FRYL: variants seen among roughly 807,000 people sequenced by gnomAD.
The protein encoded by FRYL is FRY like transcription coactivator.
FRYL carries 150 observed loss-of-function variants against 351.2 expected under a neutral mutation model. The ratio of observed to expected loss-of-function variants is 0.43; its 90% CI spans 0.37 to 0.49. The LOEUF is 0.49. FRYL is among the 20% of genes least tolerant of loss of function. FRYL has a pLI of 0.00. For synonymous variants in FRYL, 1,153 were observed against 1,257.1 expected, an observed-to-expected ratio of 0.92 and a Z score of 1.75; for missense variants, 3,036 against 3,619.3, an observed-to-expected ratio of 0.84 and a Z score of 4.13.
intron 3 of FRYL, among the ~76,000 whole-genome samples, chr4:48,649,259 G>A (rs766041240): frequency 2.0e-5 from 3 of 152,060 alleles, no homozygotes; most frequent in Non-Finnish European, 4.4e-5. Flanking sequence ...AAAAATCTGA[G>A]TATTAAAAAC....
At chr4:48,662,893 T>C (rs1203579610) in intron 3 of FRYL, among the ~76,000 whole-genome samples, 2 of 151,738 alleles carry the variant, frequency 1.3e-5, no homozygotes, top group South Asian at 2.1e-4. Flanking sequence ...TCAAATATAA[T>C]AGGAAAGTAA....
chr4:48,615,117 C>T (rs1227905432), intron 7 of FRYL, among the ~76,000 whole-genome samples: 2 of 152,126 alleles, frequency 1.3e-5, no homozygotes, highest in African/African-American at 2.4e-5. Flanking sequence ...TGAGCCACCG[C>T]GCCCGGCCAG....
Position 48,546,160 on chromosome 4 carries a change from A to G in FRYL, c.5186T>C (p.Ile1729Thr). 1 of 1,613,804 alleles carries G rather than the reference A, an allele frequency of 6.2e-7. No homozygotes were observed. The highest frequency in any genetic ancestry group is 1.6e-4 in the Middle Eastern group (1 of 6,062). The change falls in exon 42 of 64, where the codon ATT (isoleucine) becomes ACT (threonine). Residue 1729 changes from isoleucine to threonine, a missense_variant. By Grantham distance (89) the Ile-to-Thr change is moderately conservative. This residue lies in a region of FRYL where 1,987 missense variants were observed against 2,311.7 expected (regional missense o/e 0.86). Transcript: ENST00000358350. ...GAGGATAGTGGTGTGCAGATGTGAA[A>G]TGGCAGCACTGTTATTTCCTAAGCT... is the stretch of plus-strand genomic sequence containing the variant. Reference protein sequence around the residue: ...SISLGNNSAAISHLHTTILNE... With the variant: ...SISLGNNSAATSHLHTTILNE...
At chr4:48,632,561 T>C (rs1448991560) in intron 4 of FRYL, among the ~76,000 whole-genome samples, 1 of 150,576 alleles carries the variant, frequency 6.6e-6, no homozygotes, top group Non-Finnish European at 1.5e-5. Flanking sequence ...ATATATGCTG[T>C]CTATATATAT....
At chr4:48,521,341 T>C (rs573051177) in intron 54 of FRYL, 126 bp from the exon 55 acceptor site, 252 of 687,228 alleles carry the variant, frequency 3.7e-4, no homozygotes, top group Non-Finnish European at 5.4e-4. Flanking sequence ...AAAATCATCT[T>C]TCTTTCCTTC....
intron 3 of FRYL, chr4:48,653,749 C>G (rs2149440575): frequency 7.7e-7 from 1 of 1,290,572 alleles, no homozygotes; most frequent in Non-Finnish European, 1.0e-6. Context: ...GGACTTTATG[C>G]TAATTTCAAA....
chr4:48,562,809 A>G, intron 32 of FRYL, 80 bp downstream of exon 32: 2 of 790,032 alleles, frequency 2.5e-6, no homozygotes, highest in Non-Finnish European at 4.4e-6. Context: ...TATTATCAGT[A>G]TGCTTTAATA....
In FRYL at chr4:48,534,700, A is replaced by C; in HGVS notation, c.6565-15T>G. 6.9e-7 allele frequency: 1 copy of C among 1,455,092 alleles called. No individual in the cohort carries two copies. The highest frequency in any genetic ancestry group is 9.5e-7 in the Non-Finnish European group (1 of 1,053,324). 90.1% of individuals were successfully genotyped at this position (1,455,092 alleles called of 1,614,324 possible). ...TTCTCTAACAGCTAAAAATAATGTTAAAAGTAATATTAAAGTATACTTTAA... is the reference window on the plus strand; with the variant it reads ...TTCTCTAACAGCTAAAAATAATGTTCAAAGTAATATTAAAGTATACTTTAA... On this transcript the variant is annotated splice_polypyrimidine_tract_variant and intron_variant, in intron 48 of 63. Coordinates refer to ENST00000358350, the MANE Select transcript of FRYL (RefSeq NM_015030.2).
In FRYL at chr4:48,582,642, A is replaced by G; in HGVS notation, c.1841T>C (p.Val614Ala). ...MLDFPDWRED[V>A]LSGFVYFIVR... ...AATAAAATAAACAAATCCTGAAAGA[A>G]CATCCTCCCGCCAATCTGGAAAATC... Residue 614 changes from valine (V) to alanine (A), a missense_variant, in exon 20 of 64, where the codon GTT becomes GCT. Around this residue, in one of 7 missense-constraint regions of FRYL, gnomAD observed 492 missense variants for 551.5 expected, o/e 0.89. Transcript: ENST00000358350. 1 of 1,614,102 alleles carries G rather than the reference A, an allele frequency of 6.2e-7. No individual in the cohort carries two copies. The highest frequency in any genetic ancestry group is 2.2e-5 in the East Asian group (1 of 44,866).
chr4:48,551,885 C>T (rs961989173), intron 36 of FRYL, among the ~76,000 whole-genome samples: 1 of 152,096 alleles, frequency 6.6e-6, no homozygotes, highest in African/African-American at 2.4e-5. Context: ...GCATCGAGAA[C>T]CTCTGGAAAC....
intron 1 of FRYL, among the ~76,000 whole-genome samples, chr4:48,723,395 A>G (rs1043067875): frequency 4.6e-5 from 7 of 152,084 alleles, no homozygotes; most frequent in African/African-American, 1.7e-4. Context: ...CACCCAGCTC[A>G]GCCTCCCAGA....
chr4:48,623,806 T>A (rs1452915780), intron 4 of FRYL, among the ~76,000 whole-genome samples: 3 of 150,996 alleles, frequency 2.0e-5, no homozygotes, highest in Non-Finnish European at 4.4e-5. Context: ...AAATATAAGT[T>A]AAAAAAAAAC....
chr4:48,662,692 A>G (rs1452540890), intron 3 of FRYL, among the ~76,000 whole-genome samples: 2 of 150,720 alleles, frequency 1.3e-5, no homozygotes, highest in African/African-American at 4.9e-5. Context: ...TTGGGAGGCC[A>G]AGGTGGGCAG....
Position 48,571,806 on chromosome 4 carries a change from T to C in FRYL, c.2905-888A>G, listed in dbSNP as rs958000084. On this transcript the variant is annotated intron_variant, in intron 26 of 63. Transcript: ENST00000358350. ...GCAGTTTGGTTGGCCTGTTTTCATT[T>C]TGTCTTCACAGAAACAGTGTGAGTC... The C allele has an allele frequency of 1.6e-5, 16 of 983,908 alleles. No individual in the cohort carries two copies. The South Asian group carries it at 3.8e-4, about 23-fold the overall frequency. 60.9% of individuals were successfully genotyped at this position (983,908 alleles called of 1,614,324 possible). A position where few individuals can be genotyped will look rare whatever the true frequency, so the allele number is the denominator to read the frequency against.
At chr4:48,634,008 A>G (rs1437010923) in intron 4 of FRYL, among the ~76,000 whole-genome samples, 1 of 152,170 alleles carries the variant, frequency 6.6e-6, no homozygotes, top group East Asian at 1.9e-4. Context: ...GTTTATTATA[A>G]GTTTGGCTGT....
At chr4:48,759,854 T>C (rs1774216515) in intron 1 of FRYL, among the ~76,000 whole-genome samples, 1 of 152,162 alleles carries the variant, frequency 6.6e-6, no homozygotes, top group Admixed American at 6.5e-5. Context: ...GTCAGCTGAT[T>C]AGCAACTTCA....
intron 19 of FRYL, among the ~76,000 whole-genome samples, chr4:48,583,794 A>AT (rs1741463987): frequency 6.6e-6 from 1 of 151,516 alleles, no homozygotes; most frequent in Non-Finnish European, 1.5e-5. Flanking sequence ...AATCCCAGCT[A>AT]CTCAGGAGGC....
intron 2 of FRYL, among the ~76,000 whole-genome samples, chr4:48,702,153 C>T (rs1179542453): frequency 6.6e-6 from 1 of 152,016 alleles, no homozygotes; most frequent in African/African-American, 2.4e-5. Context: ...GGGTTCCTAT[C>T]AGTTTTAAAA....
At chr4:48,596,563 T>G (rs1425872737) in intron 13 of FRYL, among the ~76,000 whole-genome samples, 1 of 152,172 alleles carries the variant, frequency 6.6e-6, no homozygotes, top group Non-Finnish European at 1.5e-5. Context: ...TATATGATTC[T>G]GAGTCACAAT....
Sources: allele counts gnomAD v4.1 joint callset (sites outside exome capture counted in the v4.1 genomes callset), GRCh38; gene constraint gnomAD v4.1.1; regional missense constraint gnomAD v4.1.1; transcripts MANE v1.5; gene names NCBI Gene and HGNC (gene_info 2026-07-23, HGNC 2026-07-21).